Variants in ROCK1 observed in about 807,000 individuals in gnomAD.
The protein encoded by ROCK1 is rho-associated protein kinase 1.
In ROCK1, 36 loss-of-function variants were observed where a neutral mutation model predicts 196.8. That is an observed-to-expected ratio of 0.18 (90% CI 0.14 to 0.24). The LOEUF (loss-of-function observed/expected upper bound fraction) is 0.24, where lower values mean the gene tolerates loss of function less well. Among genes scored for constraint, ROCK1 ranks in the 10% least tolerant of loss-of-function variants. The pLI is 1.00. For synonymous variants in ROCK1, 443 were observed against 515.9 expected (o/e 0.86, Z 1.91); for missense variants, 920 against 1,562.0 (o/e 0.59, Z 6.93).
In ROCK1 at chr18:21,110,805, C is replaced by T; in HGVS notation, c.93+13G>A. 1.2e-6 allele frequency: 2 copies of T among 1,607,984 alleles called. No individual in the cohort carries two copies. Among genetic ancestry groups the T allele is most frequent in the Non-Finnish European group, 1.7e-6 (2 of 1,174,458 alleles). On this transcript the variant is annotated intron_variant, in intron 1 of 32. Coordinates refer to ENST00000399799, the MANE Select transcript of ROCK1 (RefSeq NM_005406.3). Reference sequence around the variant, plus strand: ...AAAACCCCAGACAAGCAAAAGAGAACAGCGCTACTCACCAGCAAACAATCC... The same window carrying T: ...AAAACCCCAGACAAGCAAAAGAGAATAGCGCTACTCACCAGCAAACAATCC...
chr18:21,069,062 T>C (rs2036361530), intron 2 of ROCK1, among the ~76,000 whole-genome samples: 1 of 152,128 alleles, frequency 6.6e-6, no homozygotes, highest in African/African-American at 2.4e-5. Flanking sequence ...GCATTCGTCT[T>C]AAACAAGTAG....
chr18:20,992,848 G>A lies in ROCK1; in HGVS notation c.1975C>T (p.Leu659Phe). 6.3e-7 allele frequency: 1 copy of A among 1,596,882 alleles called. No homozygotes were observed. The highest frequency in any genetic ancestry group is 2.2e-5 in the East Asian group (1 of 44,652). Residue 659 changes from leucine (L) to phenylalanine (F), a missense_variant, in exon 17 of 33, where the codon CTT (leucine) becomes TTT (phenylalanine). Leu to Phe is a conservative substitution (Grantham distance 22, BLOSUM62 0). Transcript: ENST00000399799. Reference protein sequence around the residue: ...EGERKEAQDMLNHSEKEKNNL... With the variant: ...EGERKEAQDMFNHSEKEKNNL... ...TCATTTACCTTTTCTGAGTGATTAAGCATGTCTTGAGCCTCTTTTCTTTCT... is the reference window on the plus strand; with the variant it reads ...TCATTTACCTTTTCTGAGTGATTAAACATGTCTTGAGCCTCTTTTCTTTCT...
At chr18:21,072,308 C>T (rs547242354) in intron 1 of ROCK1, among the ~76,000 whole-genome samples, 4 of 152,286 alleles carry the variant, frequency 2.6e-5, no homozygotes, top group East Asian at 1.9e-4. Context: ...TTCAGCATCA[C>T]CCATAAGCAA....
chr18:20,961,621 C>T (rs1410166064), intron 27 of ROCK1, among the ~76,000 whole-genome samples: 1 of 152,122 alleles, frequency 6.6e-6, no homozygotes. Context: ...GAGCACAACA[C>T]TATTCTGTTC....
Position 21,044,091 on chromosome 18 carries a change from A to T in ROCK1, c.675+11T>A. 6.7e-7 allele frequency: 1 copy of T among 1,484,256 alleles called. No individual in the cohort carries two copies. The highest frequency in any genetic ancestry group is 9.3e-7 in the Non-Finnish European group (1 of 1,070,040). The allele number at this position is 1,484,256 out of a possible 1,614,324, so 91.9% of individuals were successfully genotyped here. A position where few individuals can be genotyped will look rare whatever the true frequency, so the allele number is the denominator to read the frequency against. On this transcript the variant is annotated intron_variant, in intron 6 of 32. Transcript: ENST00000399799. ...ATTAGCAAAAACTAAATTAAAATCT[A>T]GTTAATTAACCTTATTCATCTTCAT...
At chr18:21,055,978 C>G (rs1376503903) in intron 2 of ROCK1, among the ~76,000 whole-genome samples, 1 of 152,162 alleles carries the variant, frequency 6.6e-6, no homozygotes, top group African/African-American at 2.4e-5. Flanking sequence ...ACTTCAATCA[C>G]TCTCTCCTGA....
rs558120946 is a variant in ROCK1 at position 20,970,229 on chromosome 18, C to A, written c.2820+119G>T. The stretch of plus-strand genomic sequence containing the variant: ...TATTTTATACATGAGTACAGAATGA[C>A]CACTATGTATTAACATAGAAGTAAA... On this transcript the variant is annotated intron_variant, in intron 23 of 32. Transcript: ENST00000399799. The A allele has an allele frequency of 1.1e-3, 734 of 659,536 alleles. 2 individuals carry two copies. The highest frequency in any genetic ancestry group is 1.6e-3 in the Non-Finnish European group (616 of 393,854). The allele number at this position is 659,536 out of a possible 1,614,324, so 40.9% of individuals were successfully genotyped here. A position where few individuals can be genotyped will look rare whatever the true frequency, so the allele number is the denominator to read the frequency against.
At chr18:20,966,894 G>C in intron 27 of ROCK1, 23 bp downstream of exon 27, 2 of 1,561,862 alleles carry the variant, frequency 1.3e-6, no homozygotes, top group Non-Finnish European at 1.8e-6. Flanking sequence ...ATACATGTTT[G>C]AATGATACAG....
chr18:20,960,992 C>A (rs1452442670), intron 27 of ROCK1, among the ~76,000 whole-genome samples: 3 of 152,074 alleles, frequency 2.0e-5, no homozygotes, highest in South Asian at 2.1e-4. Flanking sequence ...TCAACTAGTA[C>A]GTGCATACCA....
In ROCK1 at chr18:20,967,823, G is replaced by A. The variant is rs1276322788; in HGVS notation, c.3121C>T (p.Leu1041Phe). 5.0e-6 allele frequency: 8 copies of A among 1,610,466 alleles called. No individual in the cohort carries two copies. The highest frequency in any genetic ancestry group is 6.8e-6 in the Non-Finnish European group (8 of 1,178,654). Residue 1041 changes from leucine to phenylalanine, a missense_variant, in exon 26 of 33, where the codon CTC becomes TTC. Physicochemically the swap from Leu to Phe is conservative, Grantham distance 22. This residue lies in a region of ROCK1 where 116 missense variants were observed against 204.2 expected (regional missense o/e 0.57). Transcript: ENST00000399799. Reference sequence around the variant, plus strand: ...TTGAATTTCTCTCTTTCTTGGTTGAGTTCCAGTTGCAGCTTTCGATTTTCC... The same window carrying A: ...TTGAATTTCTCTCTTTCTTGGTTGAATTCCAGTTGCAGCTTTCGATTTTCC... ...EKENRKLQLELNQEREKFNQM... is the reference protein window; with the variant it reads ...EKENRKLQLEFNQEREKFNQM...
At chr18:21,044,514 A>C (rs1328312510) in intron 5 of ROCK1, among the ~76,000 whole-genome samples, 1 of 152,164 alleles carries the variant, frequency 6.6e-6, no homozygotes, top group Non-Finnish European at 1.5e-5. Flanking sequence ...GTAAGTACAT[A>C]AAAAAACCCC....
In ROCK1 at chr18:20,967,051, C is replaced by T; in HGVS notation, c.3218G>A (p.Arg1073Lys). The T allele has an allele frequency of 6.2e-7, 1 of 1,612,102 alleles. No homozygotes were observed. The highest frequency in any genetic ancestry group is 8.5e-7 in the Non-Finnish European group (1 of 1,178,622). The change falls in exon 27 of 33, where the codon AGG (arginine) becomes AAG (lysine). Residue 1073 changes from arginine (R) to lysine (K), a missense_variant. Transcript: ENST00000399799. ...GGCCAACTGCATCTGAAGCTCATTC[C>T]TATGTGCACATTCTTCTACCAATTG... ...QAQLVEECAH[R>K]NELQMQLASK... is the part of the protein sequence containing the mutation.
intron 18 of ROCK1, among the ~76,000 whole-genome samples, chr18:20,989,447 A>G (rs1018914473): frequency 6.6e-6 from 1 of 152,254 alleles, no homozygotes; most frequent in African/African-American, 2.4e-5. Context: ...TCCAGACTGT[A>G]GTAGGTTAAG....
chr18:21,014,969 A>C (rs1333983357), intron 13 of ROCK1, among the ~76,000 whole-genome samples: 3 of 152,236 alleles, frequency 2.0e-5, no homozygotes, highest in African/African-American at 7.2e-5. Flanking sequence ...ATAATAAAAA[A>C]TTTTGACAGG....
intron 8 of ROCK1, among the ~76,000 whole-genome samples, chr18:21,039,934 G>A (rs1031641891): frequency 6.6e-6 from 1 of 152,118 alleles, no homozygotes; most frequent in Non-Finnish European, 1.5e-5. Flanking sequence ...GAACACGCCT[G>A]TAGTCCCAGC....
intron 1 of ROCK1, among the ~76,000 whole-genome samples, chr18:21,073,515 C>G (rs1460798590): frequency 6.6e-6 from 1 of 152,124 alleles, no homozygotes; most frequent in Non-Finnish European, 1.5e-5. Context: ...TGTAAAACAT[C>G]ATTTAGGATT....
chr18:21,057,753 G>T (rs117222624), intron 2 of ROCK1, among the ~76,000 whole-genome samples: 2,673 of 152,180 alleles, frequency 0.018, 161 homozygotes, highest in East Asian at 0.11. Flanking sequence ...CTCAAGAGGT[G>T]GAGGTTGCAG....
Position 20,970,951 on chromosome 18 carries a change from T to C in ROCK1, c.2655-438A>G, listed in dbSNP as rs57695769. Among the ~76,000 whole-genome samples, 17 of 152,286 alleles carry C rather than the reference T, an allele frequency of 1.1e-4. No homozygotes were observed. The East Asian group carries it at 2.5e-3, about 22-fold the overall frequency. On this transcript the variant is annotated intron_variant, in intron 22 of 32. Coordinates refer to ENST00000399799, the MANE Select transcript of ROCK1 (RefSeq NM_005406.3). The stretch of plus-strand genomic sequence containing the variant: ...TTACACTTCCTGCAGTTCAGTTTCA[T>C]CAAATCTGTAAAATGAGATGGTTAA...
chr18:21,069,925 T>C (rs946177684), intron 2 of ROCK1, among the ~76,000 whole-genome samples: 3 of 151,914 alleles, frequency 2.0e-5, no homozygotes, highest in Admixed American at 1.3e-4. Flanking sequence ...TTTCAAAGTA[T>C]AGAAGTGATT....
Sources: gnomAD v4.1 joint callset for allele counts (sites outside exome capture counted in the v4.1 genomes callset) on GRCh38, gnomAD v4.1.1 for gene constraint, gnomAD v4.1.1 regional missense constraint, MANE v1.5 for transcripts, NCBI Gene and HGNC (gene_info 2026-07-23, HGNC 2026-07-21) for gene names.